SYBU: variants seen among roughly 807,000 people sequenced by gnomAD.
The protein encoded by SYBU is syntabulin, also known as GOLSYN A protein.
Under a neutral mutation model 35.9 loss-of-function variants are expected in SYBU, and 21 were observed. That is an observed-to-expected ratio of 0.58 (90% CI 0.41 to 0.84). SYBU has a LOEUF of 0.84. SYBU is among the 40% of genes least tolerant of loss of function. The probability of loss-of-function intolerance (pLI) is 0.00; values close to 1 mark genes in which losing one functional copy is unlikely to be tolerated. For missense variants in SYBU, 768 were observed against 848.2 expected (o/e 0.91, Z 1.17); for synonymous variants, 319 against 324.3 (o/e 0.98, Z 0.18).
intron 1 of SYBU, among the ~76,000 whole-genome samples, chr8:109,668,165 G>GGAGGGAGAGAGAGA (rs1554628119): frequency 1.1e-5 from 1 of 88,990 alleles, no homozygotes; most frequent in Non-Finnish European, 2.0e-5. Flanking sequence ...GGGGAGAGGG[G>GGAGGGAGAGAGAGA]GAGAGAGAGA....
intron 2 of SYBU, among the ~76,000 whole-genome samples, chr8:109,634,724 A>C (rs1396392580): frequency 1.3e-5 from 2 of 152,218 alleles, no homozygotes; most frequent in Non-Finnish European, 2.9e-5. Flanking sequence ...AGAAATTTTA[A>C]AACCAGATAA....
At chr8:109,599,617 C>T (rs545318666) in intron 3 of SYBU, among the ~76,000 whole-genome samples, 5 of 152,330 alleles carry the variant, frequency 3.3e-5, no homozygotes, top group Non-Finnish European at 7.3e-5. Flanking sequence ...CCTGAATTCT[C>T]CACCTGAGGC....
At position 109,679,208 on chromosome 8, in the gene SYBU, G is replaced by T. The variant is rs992189201; in HGVS notation, c.-129+1503C>A. Among the ~76,000 whole-genome samples, 4 of 152,068 alleles carry T rather than the reference G, an allele frequency of 2.6e-5. No homozygotes were observed. The East Asian group carries it at 5.8e-4, about 22-fold the overall frequency. ...CAATATAAGGAAATCAACCTACATG[G>T]TCTAAAAAGAGGGAGGAACCCTAAA... On this transcript the variant is annotated intron_variant, in intron 1 of 5. Transcript: ENST00000408889.
At chr8:109,622,986 T>C (rs1345364288) in intron 2 of SYBU, among the ~76,000 whole-genome samples, 1 of 152,094 alleles carries the variant, frequency 6.6e-6, no homozygotes, top group Non-Finnish European at 1.5e-5. Flanking sequence ...AGACTGTTGG[T>C]CCATTACAGA....
intron 3 of SYBU, among the ~76,000 whole-genome samples, chr8:109,603,161 G>A (rs1342082295): frequency 4.6e-5 from 7 of 152,208 alleles, no homozygotes; most frequent in South Asian, 2.1e-4. Context: ...GGCGGAAGCC[G>A]ACAAGAGGCA....
chr8:109,588,943 T>C (rs2129772138), intron 3 of SYBU, among the ~76,000 whole-genome samples: 1 of 152,266 alleles, frequency 6.6e-6, no homozygotes, highest in Middle Eastern at 3.4e-3. Flanking sequence ...GTGGATCACC[T>C]GAGGTCAGGA....
chr8:109,685,546 C>G (rs574682976), upstream of SYBU, among the ~76,000 whole-genome samples: 2 of 152,268 alleles, frequency 1.3e-5, no homozygotes, highest in East Asian at 3.9e-4. Flanking sequence ...ACCTTAAATT[C>G]TAGTAATATA....
intron 3 of SYBU, among the ~76,000 whole-genome samples, chr8:109,586,730 T>C (rs961104714): frequency 5.9e-5 from 9 of 152,212 alleles, no homozygotes; most frequent in African/African-American, 2.2e-4. Flanking sequence ...TTGGTTTTTC[T>C]TTAAAGAATA....
intron 1 of SYBU, among the ~76,000 whole-genome samples, chr8:109,653,789 C>A (rs192426288): frequency 1.3e-5 from 2 of 152,260 alleles, no homozygotes; most frequent in East Asian, 3.9e-4. Flanking sequence ...CTCTCAATCT[C>A]CTGCCTCCAA....
intron 2 of SYBU, among the ~76,000 whole-genome samples, chr8:109,626,276 T>A (rs1196203487): frequency 6.6e-6 from 1 of 152,222 alleles, no homozygotes; most frequent in Non-Finnish European, 1.5e-5. Context: ...TTTCTTCCAA[T>A]ACTTTTATGC....
rs1451828457 is a variant in SYBU, at chr8:109,575,198, T to G, written c.1700A>C (p.Glu567Ala). The change falls in exon 7 of 7, where the codon GAA (glutamate) becomes GCA (alanine). Residue 567 changes from glutamate to alanine, a missense_variant. Glu to Ala is a moderately radical substitution (Grantham distance 107, BLOSUM62 -1). Coordinates refer to ENST00000276646, the MANE Select transcript of SYBU (RefSeq NM_001099754.2). The part of the protein sequence containing the change: ...VETPYANVDA[E>A]VHANRLMREL... Reference sequence around the variant, plus strand: ...TCTCATGAGGCGGTTTGCATGAACTTCTGCATCCACATTGGCGTAGGGGGT... The same window carrying G: ...TCTCATGAGGCGGTTTGCATGAACTGCTGCATCCACATTGGCGTAGGGGGT... 1 of 1,614,208 alleles carries G rather than the reference T, an allele frequency of 6.2e-7. No homozygotes were observed. The highest frequency in any genetic ancestry group is 1.7e-5 in the Admixed American group (1 of 60,028).
Position 109,575,322 on chromosome 8 carries a change from G to T in SYBU, c.1576C>A (p.Pro526Thr). ...TCTGGGAAGCTCTCCATCGAGTCTG[G>T]TTCAGACTCATCAGGGGACGCCAAG... ...SSLASPDESE[P>T]DSMESFPESL... Residue 526 changes from proline (P) to threonine (T), a missense_variant, in exon 7 of 7, where the codon CCA (proline) becomes ACA (threonine). Pro to Thr is a conservative substitution (Grantham distance 38). Transcript: ENST00000276646. 1.2e-6 allele frequency: 2 copies of T among 1,614,122 alleles called. No individual in the cohort carries two copies.
intron 1 of SYBU, among the ~76,000 whole-genome samples, chr8:109,678,258 A>G (rs1817269515): frequency 6.6e-6 from 1 of 151,334 alleles, no homozygotes; most frequent in Non-Finnish European, 1.5e-5. Flanking sequence ...CCTCAAGTAT[A>G]TTAGCATTTA....
At chr8:109,689,747 C>T (rs1817601439) in intron 1 of SYBU, among the ~76,000 whole-genome samples, 1 of 151,864 alleles carries the variant, frequency 6.6e-6, no homozygotes, top group Non-Finnish European at 1.5e-5. Flanking sequence ...TCTTCTCACC[C>T]TCATCCCATC....
chr8:109,645,334 G>T (rs2130681633), upstream of SYBU: 1 of 456,710 alleles, frequency 2.2e-6, no homozygotes, highest in Middle Eastern at 3.3e-4. Context: ...CAGCCTCTGG[G>T]TTCCGGGATC....
At chr8:109,617,707 C>T (rs927925418) in intron 3 of SYBU, among the ~76,000 whole-genome samples, 1 of 152,138 alleles carries the variant, frequency 6.6e-6, no homozygotes, top group East Asian at 1.9e-4. Context: ...TTTTCTTTTA[C>T]ATATTATTCC....
rs1418228426 is a variant in SYBU at position 109,634,067 on chromosome 8, C to T, written c.229+8661G>A. Among the ~76,000 whole-genome samples, 4 of 152,124 alleles carry T rather than the reference C, an allele frequency of 2.6e-5. No homozygotes were observed. In the East Asian group the frequency reaches 5.8e-4, roughly 22 times the overall value. ...CTTTTAGATTGTAATCTAGGCTGCT[C>T]GTTTTTATGATGGTTTTTGTGACTG... On this transcript the variant is annotated intron_variant, in intron 2 of 6. Coordinates refer to ENST00000276646, the MANE Select transcript of SYBU (RefSeq NM_001099754.2).
rs573036104 is a variant in SYBU, at chr8:109,584,337, C to T, written c.530+1723G>A. 2.0e-3 allele frequency among the ~76,000 whole-genome samples: 308 copies of T among 152,298 alleles called. 1 individual carries two copies. The highest frequency in any genetic ancestry group is 7.0e-3 in the African/African-American group (290 of 41,572). On this transcript the variant is annotated intron_variant, in intron 4 of 6. Transcript: ENST00000276646. This position sits in a 1 kb window ranked among gnomAD's most constrained non-coding sequence, Gnocchi z 4.0. ...AGACTAGAATATTTTCTCTTAGTCA[C>T]TCTGTATTATTGACACAACCTTGGA...
chr8:109,611,211 G>A (rs186058954), intron 3 of SYBU, among the ~76,000 whole-genome samples: 142 of 152,284 alleles, frequency 9.3e-4, no homozygotes, highest in African/African-American at 3.2e-3. Context: ...TACTGAGTAA[G>A]CATTTGGCAG....
Sources: allele counts gnomAD v4.1 joint callset (sites outside exome capture counted in the v4.1 genomes callset), GRCh38; gene constraint gnomAD v4.1.1; non-coding constraint Gnocchi (gnomAD v3.1); transcripts MANE v1.5; gene names NCBI Gene and HGNC (gene_info 2026-07-23, HGNC 2026-07-21).